Variants in JADE3 observed in about 807,000 individuals in gnomAD.
The protein encoded by JADE3 is protein Jade-3.
A neutral mutation model predicts 50.1 loss-of-function variants in JADE3; 2 were observed. That is an observed-to-expected ratio of 0.04 (90% CI 0.02 to 0.13). The LOEUF (loss-of-function observed/expected upper bound fraction) is 0.13. Among genes scored for constraint, JADE3 ranks in the 10% least tolerant of loss-of-function variants. The pLI, the probability that JADE3 is intolerant of heterozygous loss-of-function variation, is 1.00. For missense variants in JADE3, 475 were observed against 634.4 expected (o/e 0.75, Z 2.70); for synonymous variants, 218 against 232.9 (o/e 0.94, Z 0.58).
chrX:47,027,880 A>G lies in JADE3; in HGVS notation c.476-12A>G. The G allele has an allele frequency of 8.3e-7, 1 of 1,198,405 alleles. No individual in the cohort carries two copies. The highest frequency in any genetic ancestry group is 1.8e-5 in the South Asian group (1 of 56,497). On this transcript the variant is annotated splice_polypyrimidine_tract_variant and intron_variant, in intron 5 of 10. Transcript: ENST00000614628. The stretch of plus-strand genomic sequence containing the variant: ...ACTGATGGGTTGATTGATTGTTTGT[A>G]TTTCTGTGCAGGTTGTGGGCCAGTT...
intron 1 of JADE3, among the ~76,000 whole-genome samples, chrX:46,959,610 G>A (rs1556347267): frequency 1.8e-5 from 2 of 111,563 alleles, no homozygotes; most frequent in Non-Finnish European, 3.8e-5. Flanking sequence ...TCTGGGGTAG[G>A]GGACAGAAGG....
chrX:46,917,316 A>C (rs1207811023), intron 1 of JADE3, among the ~76,000 whole-genome samples: 7 of 111,219 alleles, frequency 6.3e-5, no homozygotes, highest in Non-Finnish European at 1.3e-4. Flanking sequence ...TATGATGGAC[A>C]TTACCATATA....
intron 1 of JADE3, among the ~76,000 whole-genome samples, chrX:46,931,196 C>G (rs1926481016): frequency 9.0e-6 from 1 of 111,073 alleles, no homozygotes; most frequent in African/African-American, 3.3e-5. Flanking sequence ...AGGCATAATA[C>G]CTTTTACTTA....
At chrX:46,952,816 G>A (rs1308895711) in intron 1 of JADE3, among the ~76,000 whole-genome samples, 1 of 111,565 alleles carries the variant, frequency 9.0e-6, no homozygotes, top group African/African-American at 3.3e-5. Flanking sequence ...TGGCCAACAT[G>A]GTGAAACCCC....
intron 8 of JADE3, among the ~76,000 whole-genome samples, chrX:47,044,447 C>T (rs1929331985): frequency 3.6e-5 from 4 of 111,231 alleles, no homozygotes; most frequent in Admixed American, 2.9e-4. Flanking sequence ...ATCATTCAAA[C>T]GTGAAGGAGA....
At chrX:46,965,856 AGG>A (rs1927354847) in intron 1 of JADE3, among the ~76,000 whole-genome samples, 1 of 111,802 alleles carries the variant, frequency 8.9e-6, no homozygotes, top group Non-Finnish European at 1.9e-5. Flanking sequence ...TAAAGATCCT[AGG>A]AGCAAAGGAC....
At chrX:47,019,231 G>T (rs781972900) in intron 4 of JADE3, among the ~76,000 whole-genome samples, 2 of 111,849 alleles carry the variant, frequency 1.8e-5, no homozygotes, top group South Asian at 7.6e-4. Flanking sequence ...TGTGGGATTT[G>T]GAAAATACCA....
At chrX:47,049,272 C>G (rs1198975208) in intron 8 of JADE3, among the ~76,000 whole-genome samples, 1 of 101,994 alleles carries the variant, frequency 9.8e-6, no homozygotes, top group Non-Finnish European at 2.0e-5. Context: ...ACTGCAACCT[C>G]CACCTCCCAG....
chrX:47,029,938 C>A (rs1329721687), intron 6 of JADE3, among the ~76,000 whole-genome samples: 1 of 111,620 alleles, frequency 9.0e-6, no homozygotes, highest in Non-Finnish European at 1.9e-5. Flanking sequence ...AATACCACAA[C>A]CCACCCAGTA....
chrX:46,995,461 G>A (rs1332035215), intron 3 of JADE3, among the ~76,000 whole-genome samples: 2 of 111,260 alleles, frequency 1.8e-5, no homozygotes, highest in Non-Finnish European at 3.8e-5. Flanking sequence ...TCCCCTCCCT[G>A]TTTTCTCCTC....
intron 8 of JADE3, among the ~76,000 whole-genome samples, chrX:47,044,267 A>AC (rs1406814122): frequency 2.7e-5 from 3 of 111,847 alleles, no homozygotes; most frequent in African/African-American, 9.7e-5. Context: ...TAAAGAAAGG[A>AC]CCCTAAAAAC....
rs191066271 is a variant in JADE3, at chrX:46,934,951, A to G, written c.-12+22232A>G. On this transcript the variant is annotated intron_variant, in intron 1 of 10. Transcript: ENST00000614628. ...GGTCTCTCTTTTGTTCTGTTGGTTT[A>G]TTCTCAGTCTCACTCTGGCTCCCAG... is the stretch of plus-strand genomic sequence containing the variant. 6.3e-5 allele frequency among the ~76,000 whole-genome samples: 7 copies of G among 110,815 alleles called. No homozygotes were observed. In the Admixed American group the frequency reaches 6.7e-4, roughly 11 times the overall value.
intron 1 of JADE3, among the ~76,000 whole-genome samples, chrX:46,981,042 T>A (rs1212282150): frequency 9.0e-6 from 1 of 110,885 alleles, no homozygotes; most frequent in Non-Finnish European, 1.9e-5. Context: ...ATCAAGGGAG[T>A]AAGAGTGTCC....
intron 8 of JADE3, among the ~76,000 whole-genome samples, chrX:47,042,480 G>GT (rs1288172722): frequency 2.7e-5 from 3 of 111,731 alleles, no homozygotes; most frequent in Non-Finnish European, 5.6e-5. Context: ...ACATTCTGGT[G>GT]TAAGTTTCTC....
intron 4 of JADE3, among the ~76,000 whole-genome samples, chrX:47,019,338 G>T (rs1928743800): frequency 9.0e-6 from 1 of 111,536 alleles, no homozygotes. Context: ...GGGTCATCTT[G>T]GGAAATGATT....
chrX:46,929,396 C>T (rs1926444853), intron 1 of JADE3, among the ~76,000 whole-genome samples: 1 of 111,951 alleles, frequency 8.9e-6, no homozygotes, highest in Non-Finnish European at 1.9e-5. Context: ...TCTAAATAAA[C>T]TTACTTGAAA....
chrX:46,993,005 G>A (rs1018055231), intron 3 of JADE3, among the ~76,000 whole-genome samples: 6 of 111,134 alleles, frequency 5.4e-5, no homozygotes, highest in African/African-American at 2.0e-4. Context: ...GCCCATACTC[G>A]TAAAGTTGTT....
chrX:47,021,861 G>A (rs1928801251), intron 4 of JADE3, among the ~76,000 whole-genome samples: 1 of 111,878 alleles, frequency 8.9e-6, no homozygotes, highest in African/African-American at 3.2e-5. Flanking sequence ...ATGTGCAATT[G>A]CAAATATCTT....
intron 1 of JADE3, among the ~76,000 whole-genome samples, chrX:46,938,199 G>A (rs1926676193): frequency 9.0e-6 from 1 of 111,351 alleles, no homozygotes; most frequent in Admixed American, 9.5e-5. Flanking sequence ...TGATATGATT[G>A]TTTTACATCT....
Sources: gnomAD v4.1 joint callset for allele counts (sites outside exome capture counted in the v4.1 genomes callset) on GRCh38, gnomAD v4.1.1 for gene constraint, MANE v1.5 for transcripts, NCBI Gene and HGNC (gene_info 2026-07-23, HGNC 2026-07-21) for gene names.